The following CCSER1 variants were observed in gnomAD, a reference collection of about 807,000 sequenced individuals.
CCSER1 encodes the protein serine-rich coiled-coil domain-containing protein 1.
A neutral mutation model predicts 82.0 loss-of-function variants in CCSER1; 41 were observed. That is an observed-to-expected ratio of 0.50 (90% CI 0.39 to 0.65). The LOEUF (loss-of-function observed/expected upper bound fraction) is 0.65, where lower values mean the gene tolerates loss of function less well. Among genes scored for constraint, CCSER1 ranks in the 30% least tolerant of loss-of-function variants. The probability of loss-of-function intolerance (pLI) is 0.00; values close to 1 mark genes in which losing one functional copy is unlikely to be tolerated. For missense variants in CCSER1, 1,119 were observed against 1,064.2 expected (o/e 1.05, Z -0.72); for synonymous variants, 414 against 383.9 (o/e 1.08, Z -0.92).
rs190901168 is a variant in CCSER1, at chr4:90,439,138, C to T, written c.1604-29096C>T. Among the ~76,000 whole-genome samples the T allele has an allele frequency of 3.4e-3, 510 of 151,978 alleles. 1 individual carries two copies. Among genetic ancestry groups the T allele is most frequent in the Non-Finnish European group, 4.8e-3 (323 of 67,972 alleles). ...GAAACCCCGTCACTAATAAAAAATA[C>T]GAAAATTAGTCAGTCGTGGGCACCT... On this transcript the variant is annotated intron_variant, in intron 4 of 10. Coordinates refer to ENST00000509176, the MANE Select transcript of CCSER1 (RefSeq NM_001145065.2).
intron 7 of CCSER1, among the ~76,000 whole-genome samples, chr4:90,763,220 G>A (rs1446830932): frequency 6.6e-6 from 1 of 151,942 alleles, no homozygotes; most frequent in Non-Finnish European, 1.5e-5. Context: ...CACTACCAGA[G>A]AAAGGGGCTT....
rs113531521 is a variant in CCSER1, at chr4:91,445,970, A to T, written c.2218-152602A>T. On this transcript the variant is annotated intron_variant, in intron 10 of 10. Transcript: ENST00000509176. ...TTCTTAATACTGATAATTACACTTA[A>T]GAAATGACTATTATTTTTGAAGTGC... is the stretch of plus-strand genomic sequence containing the variant. 5.3e-5 allele frequency among the ~76,000 whole-genome samples: 8 copies of T among 152,274 alleles called. 1 individual carries two copies. The highest frequency in any genetic ancestry group is 1.9e-4 in the African/African-American group (8 of 41,562).
At chr4:91,167,292 T>C (rs1296577460) in intron 10 of CCSER1, among the ~76,000 whole-genome samples, 1 of 147,994 alleles carries the variant, frequency 6.8e-6, no homozygotes, top group Non-Finnish European at 1.5e-5. Flanking sequence ...GTTCAAGCAA[T>C]TCCCTGCCTC....
chr4:91,232,872 G>A (rs1335570368), intron 10 of CCSER1, among the ~76,000 whole-genome samples: 2 of 151,678 alleles, frequency 1.3e-5, no homozygotes, highest in Non-Finnish European at 3.0e-5. Context: ...ACCGATATGG[G>A]GAAAAAATTA....
chr4:90,630,355 G>T (rs370390933), intron 6 of CCSER1, among the ~76,000 whole-genome samples: 10 of 152,158 alleles, frequency 6.6e-5, no homozygotes, highest in African/African-American at 2.4e-4. Flanking sequence ...TAAGTAGAAA[G>T]AGCTGACAGA....
At chr4:91,007,107 T>C (rs894066453) in intron 9 of CCSER1, among the ~76,000 whole-genome samples, 2 of 152,222 alleles carry the variant, frequency 1.3e-5, no homozygotes, top group Admixed American at 1.3e-4. Flanking sequence ...CATTATTGTA[T>C]CCCTAGTGTA....
chr4:91,384,619 G>T (rs982433835), intron 10 of CCSER1, among the ~76,000 whole-genome samples: 5 of 151,918 alleles, frequency 3.3e-5, no homozygotes, highest in African/African-American at 1.2e-4. Context: ...CAAGTTCTGG[G>T]TGAATGTAAG....
At chr4:90,191,427 A>G (rs1735602084) in intron 1 of CCSER1, among the ~76,000 whole-genome samples, 1 of 152,008 alleles carries the variant, frequency 6.6e-6, no homozygotes, top group South Asian at 2.1e-4. Flanking sequence ...TTGTTGGTCA[A>G]GATCATGTAA....
chr4:90,737,270 CTCTT>C (rs1279617239), intron 7 of CCSER1, among the ~76,000 whole-genome samples: 2 of 152,218 alleles, frequency 1.3e-5, no homozygotes, highest in East Asian at 1.9e-4. Flanking sequence ...TTGAAGAATT[CTCTT>C]TCTTTAGCAT....
In CCSER1 at chr4:90,724,083, C is replaced by A. The variant is rs567701886; in HGVS notation, c.2010+92C>A. On this transcript the variant is annotated intron_variant, in intron 7 of 10. Transcript: ENST00000509176. Reference sequence around the variant, plus strand: ...GTTTATGTGTAGATGGTGAAGTGAACTGCTTTAATCTTCAAGGGTCTGATT... The same window carrying A: ...GTTTATGTGTAGATGGTGAAGTGAAATGCTTTAATCTTCAAGGGTCTGATT... The A allele has an allele frequency of 2.2e-4, 151 of 693,458 alleles. 2 individuals are homozygous for A. Among genetic ancestry groups the A allele is most frequent in the Non-Finnish European group, 1.0e-4 (44 of 419,352 alleles). 43.0% of individuals were successfully genotyped at this position (693,458 alleles called of 1,614,324 possible).
intron 1 of CCSER1, among the ~76,000 whole-genome samples, chr4:90,178,024 C>A (rs115191561): frequency 6.6e-6 from 1 of 151,976 alleles, no homozygotes; most frequent in African/African-American, 2.4e-5. Context: ...TTCAAAAATC[C>A]GAAATCCAAA....
At chr4:90,415,718 C>T (rs943298450) in intron 4 of CCSER1, among the ~76,000 whole-genome samples, 23 of 152,120 alleles carry the variant, frequency 1.5e-4, no homozygotes, top group Non-Finnish European at 2.2e-4. Context: ...CCATGGTAAA[C>T]TAAAACAAGG....
intron 1 of CCSER1, among the ~76,000 whole-genome samples, chr4:90,218,189 C>T (rs139706221): frequency 1.6e-3 from 241 of 152,204 alleles, no homozygotes; most frequent in East Asian, 6.9e-3. Context: ...GATGATCATG[C>T]GGTTTTTGTT....
At chr4:91,472,881 A>G (rs538399587) in intron 10 of CCSER1, among the ~76,000 whole-genome samples, 1 of 152,338 alleles carries the variant, frequency 6.6e-6, no homozygotes, top group South Asian at 2.1e-4. Flanking sequence ...TTTATCCATC[A>G]TCATAACAGT....
rs58946277 is a variant in CCSER1, at chr4:90,262,581, C to T, written c.-41-45663C>T. ...TTTAGGCCAATAGAGGATGTATCTC[C>T]GGGTAGGAATCAGTTGTTGCTAAAG... On this transcript the variant is annotated intron_variant, in intron 1 of 10. Transcript: ENST00000509176. 9.8e-3 allele frequency among the ~76,000 whole-genome samples: 1,488 copies of T among 152,172 alleles called. 17 individuals carry two copies. Among genetic ancestry groups the T allele is most frequent in the African/African-American group, 0.033 (1,385 of 41,506 alleles).
chr4:90,770,782 C>T (rs1181288670), intron 7 of CCSER1, among the ~76,000 whole-genome samples: 1 of 151,922 alleles, frequency 6.6e-6, no homozygotes, highest in Non-Finnish European at 1.5e-5. Context: ...CACATGTACA[C>T]ACAAAAGCAC....
chr4:91,189,937 C>G (rs1734866700), intron 10 of CCSER1, among the ~76,000 whole-genome samples: 1 of 152,150 alleles, frequency 6.6e-6, no homozygotes, highest in Admixed American at 6.6e-5. Context: ...GAGGAGTCTG[C>G]TGCAAGGATT....
At chr4:91,180,940 G>A (rs2149029170) in intron 10 of CCSER1, among the ~76,000 whole-genome samples, 1 of 136,850 alleles carries the variant, frequency 7.3e-6, no homozygotes, top group South Asian at 2.2e-4. Flanking sequence ...CAATAGATTG[G>A]GCTAGTTAAC....
At chr4:91,440,959 G>C (rs1331387561) in intron 10 of CCSER1, among the ~76,000 whole-genome samples, 1 of 151,904 alleles carries the variant, frequency 6.6e-6, no homozygotes, top group Non-Finnish European at 1.5e-5. Flanking sequence ...AACAGGATCT[G>C]AAATTGTGGC....
Sources: allele counts gnomAD v4.1 joint callset (sites outside exome capture counted in the v4.1 genomes callset), GRCh38; gene constraint gnomAD v4.1.1; transcripts MANE v1.5; gene names NCBI Gene and HGNC (gene_info 2026-07-23, HGNC 2026-07-21).